The following CFAP61 variants were observed in gnomAD, a reference collection of about 807,000 sequenced individuals.
CFAP61 encodes cilia and flagella associated protein 61.
In CFAP61, 107 loss-of-function variants were observed where a neutral mutation model predicts 135.6. That is an observed-to-expected ratio of 0.79 (90% CI 0.67 to 0.93). The LOEUF is 0.93. CFAP61 is among the 40% of genes least tolerant of loss of function. CFAP61 has a pLI of 0.00. For synonymous variants in CFAP61, 575 were observed against 578.5 expected, an observed-to-expected ratio of 0.99 and a Z score of 0.09; for missense variants, 1,507 against 1,556.2, an observed-to-expected ratio of 0.97 and a Z score of 0.53.
At chr20:20,138,651 G>A (rs2051130103) in intron 8 of CFAP61, among the ~76,000 whole-genome samples, 1 of 152,244 alleles carries the variant, frequency 6.6e-6, no homozygotes, top group African/African-American at 2.4e-5. Flanking sequence ...GTGATATGAA[G>A]TTAAAACCAG....
intron 1 of CFAP61, among the ~76,000 whole-genome samples, chr20:20,055,399 G>A (rs968682388): frequency 1.3e-5 from 2 of 151,982 alleles, no homozygotes; most frequent in African/African-American, 4.8e-5. Flanking sequence ...TCACTTTCTT[G>A]GGCTGGTGAG....
chr20:20,343,146 CG>C (rs2058508334), intron 26 of CFAP61, among the ~76,000 whole-genome samples: 4 of 152,302 alleles, frequency 2.6e-5, no homozygotes, highest in East Asian at 3.9e-4. Context: ...CGTGAGCCAT[CG>C]CGCCCGACCA....
In CFAP61 at chr20:20,090,865, C is replaced by T. The variant is rs1336220911; in HGVS notation, c.588C>T (p.Leu196=). The part of the protein sequence containing the change: ...RKARVEDHDD[L]MPIFMRYDTI... ...ACAGGGTGGAAGACCATGACGATCT[C>T]ATGCCAATATTTATGCGCTATGACA... Residue 196 remains leucine (L), a synonymous_variant, in exon 7 of 27, where the codon CTC becomes CTT. Transcript: ENST00000245957. 6.2e-7 allele frequency: 1 copy of T among 1,614,110 alleles called. No individual in the cohort carries two copies. The highest frequency in any genetic ancestry group is 2.2e-5 in the East Asian group (1 of 44,876).
chr20:20,089,153 A>G (rs2047004456), intron 6 of CFAP61, among the ~76,000 whole-genome samples: 2 of 152,156 alleles, frequency 1.3e-5, no homozygotes, highest in African/African-American at 4.8e-5. Flanking sequence ...ATAAAGGAAG[A>G]TTTTGAAGTG....
intron 6 of CFAP61, among the ~76,000 whole-genome samples, chr20:20,087,982 A>G (rs1381794714): frequency 1.3e-5 from 2 of 152,196 alleles, no homozygotes; most frequent in Non-Finnish European, 2.9e-5. Context: ...ACATGCAGAA[A>G]TAGATGGACA....
At chr20:20,318,172 G>A (rs975992139) in intron 25 of CFAP61, among the ~76,000 whole-genome samples, 9 of 152,218 alleles carry the variant, frequency 5.9e-5, no homozygotes, top group African/African-American at 1.9e-4. Context: ...CTGGAGTCCT[G>A]GGGAGGATTT....
chr20:20,096,802 A>G (rs1381871196), intron 7 of CFAP61, among the ~76,000 whole-genome samples: 3 of 152,262 alleles, frequency 2.0e-5, no homozygotes, highest in Non-Finnish European at 4.4e-5. Flanking sequence ...AAACAAGACA[A>G]ACAATCACTT....
chr20:20,169,970 A>G (rs2054107868), intron 13 of CFAP61, among the ~76,000 whole-genome samples: 1 of 152,206 alleles, frequency 6.6e-6, no homozygotes, highest in Non-Finnish European at 1.5e-5. Flanking sequence ...TAGAAAATAT[A>G]TTTACAGTGC....
chr20:20,108,412 C>T (rs1396000249), intron 8 of CFAP61, among the ~76,000 whole-genome samples: 1 of 152,114 alleles, frequency 6.6e-6, no homozygotes, highest in Non-Finnish European at 1.5e-5. Flanking sequence ...AACCCCAAGT[C>T]TCCCACAAGG....
intron 17 of CFAP61, among the ~76,000 whole-genome samples, chr20:20,210,892 A>G (rs1159784166): frequency 2.0e-5 from 3 of 152,214 alleles, no homozygotes; most frequent in Non-Finnish European, 2.9e-5. Flanking sequence ...TGGGAGGCTG[A>G]AATAGGAGGA....
At chr20:20,135,388 A>C (rs554951507) in intron 8 of CFAP61, among the ~76,000 whole-genome samples, 1 of 152,222 alleles carries the variant, frequency 6.6e-6, no homozygotes, top group Non-Finnish European at 1.5e-5. Context: ...AATTATGAAG[A>C]AGACAAAAGG....
chr20:20,129,559 T>C (rs748292047), intron 8 of CFAP61, among the ~76,000 whole-genome samples: 2 of 151,676 alleles, frequency 1.3e-5, no homozygotes, highest in Admixed American at 6.5e-5. Context: ...TCACATCTGT[T>C]TGATGCTCTC....
chr20:20,266,557 T>C (rs1231471011), intron 21 of CFAP61, among the ~76,000 whole-genome samples: 1 of 152,238 alleles, frequency 6.6e-6, no homozygotes, highest in Non-Finnish European at 1.5e-5. Flanking sequence ...TTATCAAAAC[T>C]TTTTGCATTC....
chr20:20,119,764 T>G (rs193148040), intron 8 of CFAP61, among the ~76,000 whole-genome samples: 5 of 152,278 alleles, frequency 3.3e-5, no homozygotes, highest in Non-Finnish European at 4.4e-5. Context: ...TACCCATGAG[T>G]TATTTTTCCT....
chr20:20,250,128 T>G (rs371626928), intron 19 of CFAP61, among the ~76,000 whole-genome samples: 4 of 152,312 alleles, frequency 2.6e-5, no homozygotes, highest in South Asian at 4.1e-4. Flanking sequence ...AGAATTCTCT[T>G]TGTGTGGTAA....
intron 9 of CFAP61, among the ~76,000 whole-genome samples, chr20:20,156,078 A>G (rs905755931): frequency 1.3e-5 from 2 of 152,202 alleles, no homozygotes; most frequent in African/African-American, 4.8e-5. Context: ...CACTGCTTGG[A>G]TGATGGGTGC....
chr20:20,194,828 T>A (rs894821041), intron 15 of CFAP61, among the ~76,000 whole-genome samples: 2 of 152,202 alleles, frequency 1.3e-5, no homozygotes. Context: ...TTCCTTCCAG[T>A]GTAAAACTGC....
At chr20:20,294,937 A>AAATAAT (rs11474551) in intron 24 of CFAP61, among the ~76,000 whole-genome samples, 20,553 of 142,692 alleles carry the variant, frequency 0.14, 1,721 homozygotes, top group African/African-American at 0.23. Flanking sequence ...TCCGTCTCAA[A>AAATAAT]AATAATAATA....
At chr20:20,178,495 T>C (rs2054801500) in intron 13 of CFAP61, among the ~76,000 whole-genome samples, 1 of 152,200 alleles carries the variant, frequency 6.6e-6, no homozygotes, top group Non-Finnish European at 1.5e-5. Context: ...TTTCACATGA[T>C]GCTTTTCTGA....
Sources: allele counts gnomAD v4.1 joint callset (sites outside exome capture counted in the v4.1 genomes callset), GRCh38; gene constraint gnomAD v4.1.1; transcripts MANE v1.5; gene names NCBI Gene and HGNC (gene_info 2026-07-23, HGNC 2026-07-21).